The following NOTCH3 variants were observed in gnomAD, a reference collection of about 807,000 sequenced individuals.
NOTCH3 encodes neurogenic locus notch homolog protein 3.
Under a neutral mutation model 213.3 loss-of-function variants are expected in NOTCH3, and 86 were observed. The ratio of observed to expected loss-of-function variants is 0.40; its 90% CI spans 0.34 to 0.48. The LOEUF is 0.48. Among genes scored for constraint, NOTCH3 ranks in the 20% least tolerant of loss-of-function variants. The pLI is 0.57. For synonymous variants in NOTCH3, 1,354 were observed against 1,355.9 expected, an observed-to-expected ratio of 1.00 and a Z score of 0.03; for missense variants, 2,783 against 3,272.6, an observed-to-expected ratio of 0.85 and a Z score of 3.65.
In NOTCH3 at chr19:15,178,048, G is replaced by C; in HGVS notation, c.3880C>G (p.Arg1294Gly). 1 of 1,519,416 alleles carries C rather than the reference G, an allele frequency of 6.6e-7. No individual in the cohort carries two copies. The highest frequency in any genetic ancestry group is 1.2e-5 in the South Asian group (1 of 83,252). 94.1% of individuals were successfully genotyped at this position (1,519,416 alleles called of 1,614,324 possible). Residue 1294 changes from arginine to glycine, a missense_variant, in exon 24 of 33, where the codon CGG (arginine) becomes GGG (glycine). This residue lies in a region of NOTCH3 where 861 missense variants were observed against 909.1 expected (regional missense o/e 0.95). Transcript: ENST00000263388. ...PRCERVARSC[R>G]ELQCPVGVPC... ...ACGCCCACCGGGCACTGCAGCTCCC[G>C]GCAGGAGCGCGCCACCCGCTCGCAA...
At position 15,178,952 on chromosome 19, in the gene NOTCH3, G is replaced by A. The variant is rs78907190; in HGVS notation, c.3719-11C>T. On this transcript the variant is annotated splice_polypyrimidine_tract_variant and intron_variant, in intron 22 of 32. Coordinates refer to ENST00000263388, the MANE Select transcript of NOTCH3 (RefSeq NM_000435.3). Reference sequence around the variant, plus strand: ...TCTGACAGCGAGGACCTGAGCGAGCGGGAGCATGTAGATCAGCCACAATGG... The same window carrying A: ...TCTGACAGCGAGGACCTGAGCGAGCAGGAGCATGTAGATCAGCCACAATGG... 2.8e-3 allele frequency: 4,459 copies of A among 1,613,976 alleles called. 91 individuals are homozygous for A. In the Admixed American group the frequency reaches 0.037, roughly 13 times the overall value.
intron 1 of NOTCH3, among the ~76,000 whole-genome samples, chr19:15,200,519 T>C (rs1278053212): frequency 6.6e-6 from 1 of 151,876 alleles, no homozygotes; most frequent in Non-Finnish European, 1.5e-5. Context: ...GAGTCCCTGA[T>C]CCCCGCACCT....
At position 15,179,228 on chromosome 19, in the gene NOTCH3, G is replaced by T; in HGVS notation, c.3515C>A (p.Ser1172Ter). Residue 1172 changes from serine to a stop codon, truncating the protein, a stop_gained, in exon 22 of 33, where the codon TCA (serine) becomes TAA (stop). Transcript: ENST00000263388. LOFTEE classifies it high-confidence loss of function. The stretch of plus-strand genomic sequence containing the variant: ...GCCATTGTGTAGGCACCGGGGCCCT[G>T]AGTCCAGCGGTGGGCCTGGGCCGCA... ...DDCGPGPPLD[S>*]GPRCLHNGTC... 1 of 1,614,030 alleles carries T rather than the reference G, an allele frequency of 6.2e-7. No homozygotes were observed. Among genetic ancestry groups the T allele is most frequent in the Non-Finnish European group, 8.5e-7 (1 of 1,180,024 alleles).
chr19:15,165,426 C>T lies in NOTCH3; in HGVS notation c.5757G>A (p.Glu1919=). 1 of 1,611,962 alleles carries T rather than the reference C, an allele frequency of 6.2e-7. No homozygotes were observed. The highest frequency in any genetic ancestry group is 8.5e-7 in the Non-Finnish European group (1 of 1,180,034). ...ALILAARLAV[E]GMVEELIASH... The stretch of plus-strand genomic sequence containing the variant: ...TGGCGATGAGCTCTTCCACCATGCC[C>T]TCTACTGCCAGGCGGGCCGCCAGGA... The change falls in exon 31 of 33, where the codon GAG becomes GAA. Residue 1919 remains glutamate (E), a synonymous_variant. Coordinates refer to ENST00000263388, the MANE Select transcript of NOTCH3 (RefSeq NM_000435.3). The surrounding 1 kb of genome is among the most constrained non-coding windows in gnomAD (Gnocchi z 4.7).
At chr19:15,192,871 C>T (rs975380523) in intron 2 of NOTCH3, among the ~76,000 whole-genome samples, 9 of 151,966 alleles carry the variant, frequency 5.9e-5, no homozygotes, top group African/African-American at 9.7e-5. Flanking sequence ...GCCAAGATCG[C>T]GCCACTGCAC....
rs2046827224 is a variant in NOTCH3 at position 15,180,141 on chromosome 19, G to A, written c.3258C>T (p.Asp1086=). Residue 1086 remains aspartate (D), a synonymous_variant, in exon 20 of 33, where the codon GAC becomes GAT. Coordinates refer to ENST00000263388, the MANE Select transcript of NOTCH3 (RefSeq NM_000435.3). ...GCTGGCAGGGCTGGGCCAAGCAGGGGTCCACCTCCTGCTCACAGTGGCTAC... is the reference window on the plus strand; with the variant it reads ...GCTGGCAGGGCTGGGCCAAGCAGGGATCCACCTCCTGCTCACAGTGGCTAC... ...RTGSHCEQEV[D]PCLAQPCQHG... 1 of 1,613,290 alleles carries A rather than the reference G, an allele frequency of 6.2e-7. No homozygotes were observed. The highest frequency in any genetic ancestry group is 1.7e-5 in the Admixed American group (1 of 59,994).
Position 15,188,008 on chromosome 19 carries a change from T to TG in NOTCH3, c.1493-15dup. On this transcript the variant is annotated splice_polypyrimidine_tract_variant and intron_variant, in intron 9 of 32. Transcript: ENST00000263388. The stretch of plus-strand genomic sequence containing the variant: ...AGCCGCTGAAGCCTGGGGTGGGGAG[T>TG]GGGATGAGCAGAGGCCCAGAAAGGG... The TG allele has an allele frequency of 6.5e-7, 1 of 1,545,914 alleles. No individual in the cohort carries two copies. Among genetic ancestry groups the TG allele is most frequent in the Non-Finnish European group, 8.8e-7 (1 of 1,142,634 alleles).
intron 9 of NOTCH3, 101 bp from the exon 10 acceptor site, chr19:15,188,095 ATT>A (rs2046898756): frequency 5.5e-6 from 6 of 1,094,122 alleles, no homozygotes; most frequent in Non-Finnish European, 8.2e-6. Flanking sequence ...ATTTACTTGG[ATT>A]TAAATTAACT....
intron 20 of NOTCH3, among the ~76,000 whole-genome samples, chr19:15,179,851 C>T (rs948537271): frequency 5.3e-5 from 8 of 151,894 alleles, no homozygotes; most frequent in Non-Finnish European, 7.4e-5. Flanking sequence ...CCACTGCACT[C>T]GTCTGGGTGA....
At chr19:15,174,497 A>C in intron 24 of NOTCH3, 97 bp from the exon 25 acceptor site, 1 of 907,662 alleles carries the variant, frequency 1.1e-6, no homozygotes, top group South Asian at 1.7e-5. Flanking sequence ...GAGACTCCAG[A>C]CAAGGCTTGC....
Position 15,189,475 on chromosome 19 carries a change from C to T in NOTCH3, c.1037-47G>A, listed in dbSNP as rs778332307. 8 of 1,602,268 alleles carry T rather than the reference C, an allele frequency of 5.0e-6. No homozygotes were observed. In the South Asian group the frequency reaches 6.6e-5, roughly 13 times the overall value. On this transcript the variant is annotated intron_variant, in intron 6 of 32. Transcript: ENST00000263388. ...TCATAGGCAGATCTTCCTGCTCTGC[C>T]CAAAAGGCCCACACCCCTTGAGTAT... is the stretch of plus-strand genomic sequence containing the variant.
Position 15,185,217 on chromosome 19 carries a change from T to C in NOTCH3, c.2296+40A>G, listed in dbSNP as rs1389964816. The C allele has an allele frequency of 1.2e-6, 2 of 1,608,200 alleles. No homozygotes were observed. Among genetic ancestry groups the C allele is most frequent in the African/African-American group, 1.3e-5 (1 of 74,728 alleles). ...AGGAGAAGAGAGATGAGAAGGCCCA[T>C]GGTGTTGGTGGGGCTGCAGAGGGAA... On this transcript the variant is annotated intron_variant, in intron 14 of 32. Coordinates refer to ENST00000263388, the MANE Select transcript of NOTCH3 (RefSeq NM_000435.3). This position sits in a 1 kb window ranked among gnomAD's most constrained non-coding sequence, Gnocchi z 4.2.
At position 15,180,303 on chromosome 19, in the gene NOTCH3, C is replaced by T. The variant is rs1179608621; in HGVS notation, c.3143-47G>A. 6 of 1,588,874 alleles carry T rather than the reference C, an allele frequency of 3.8e-6. No individual in the cohort carries two copies. The South Asian group carries it at 4.4e-5, about 12-fold the overall frequency. On this transcript the variant is annotated intron_variant, in intron 19 of 32. Transcript: ENST00000263388. ...AGGAACAGAGGTAACCCCATACATCCCCCTTCTGCCTCCATCACACAGATC... is the reference window on the plus strand; with the variant it reads ...AGGAACAGAGGTAACCCCATACATCTCCCTTCTGCCTCCATCACACAGATC...
chr19:15,186,008 G>T (rs554133607), intron 12 of NOTCH3, among the ~76,000 whole-genome samples: 14 of 152,236 alleles, frequency 9.2e-5, no homozygotes, highest in Admixed American at 5.2e-4. Context: ...CTGGGCTCAA[G>T]CGATTCTCCC....
At position 15,159,248 on chromosome 19, in the gene NOTCH3, G is replaced by C. The variant is rs4809026; in HGVS notation, c.*1414C>G. ...CGAGATAACCCCCCCAGCCCTCAAGGAGCCATTTGAGCTCTCATTTCTGAT... is the reference window on the plus strand; with the variant it reads ...CGAGATAACCCCCCCAGCCCTCAAGCAGCCATTTGAGCTCTCATTTCTGAT... On this transcript the variant is annotated 3_prime_UTR_variant, in exon 33 of 33. Transcript: ENST00000263388. The C allele has an allele frequency of 0.18, 27,057 of 152,434 alleles. 2,889 individuals carry two copies. Among genetic ancestry groups the C allele is most frequent in the African/African-American group, 0.3 (12,464 of 41,382 alleles). 9.4% of individuals were successfully genotyped at this position (152,434 alleles called of 1,614,324 possible). A position where few individuals can be genotyped will look rare whatever the true frequency, so the allele number is the denominator to read the frequency against.
At chr19:15,195,996 C>T (rs2046967346) in intron 2 of NOTCH3, among the ~76,000 whole-genome samples, 1 of 142,722 alleles carries the variant, frequency 7.0e-6, no homozygotes, top group Non-Finnish European at 1.5e-5. Context: ...ATGGAAACGT[C>T]TGCTGCCGGT....
Position 15,185,371 on chromosome 19 carries a change from G to A in NOTCH3, c.2182C>T (p.Arg728Cys), listed in dbSNP as rs1057519101. The change falls in exon 14 of 33, where the codon CGC (arginine) becomes TGC (cysteine). Residue 728 changes from arginine to cysteine, a missense_variant. Around this residue, in one of 6 missense-constraint regions of NOTCH3, gnomAD observed 861 missense variants for 909.1 expected, o/e 0.95. Coordinates refer to ENST00000263388, the MANE Select transcript of NOTCH3 (RefSeq NM_000435.3). This position sits in a 1 kb window ranked among gnomAD's most constrained non-coding sequence, Gnocchi z 4.2. ...TCTCGGGCCAGGCTCTGGCTGCAGCGGGGGCCACTCCAGCCAGGCTCACAC... is the reference window on the plus strand; with the variant it reads ...TCTCGGGCCAGGCTCTGGCTGCAGCAGGGGCCACTCCAGCCAGGCTCACAC... ...CVCEPGWSGPRCSQSLARDAC... is the reference protein window; with the variant it reads ...CVCEPGWSGPCCSQSLARDAC... 30 of 1,612,106 alleles carry A rather than the reference G, an allele frequency of 1.9e-5. No homozygotes were observed. The highest frequency in any genetic ancestry group is 4.5e-5 in the East Asian group (2 of 44,840).
At position 15,191,804 on chromosome 19, in the gene NOTCH3, C is replaced by T. The variant is rs141402160; in HGVS notation, c.743G>A (p.Gly248Glu). 4 of 1,613,984 alleles carry T rather than the reference C, an allele frequency of 2.5e-6. No individual in the cohort carries two copies. Among genetic ancestry groups the T allele is most frequent in the Non-Finnish European group, 3.4e-6 (4 of 1,180,038 alleles). ...GTTGACGCCATCCACGCATGTCCCC[C>T]CATTGAGACATCGGTGTCCTGGACA... ...DDCPGHRCLN[G>E]GTCVDGVNTY... The change falls in exon 5 of 33, where the codon GGG becomes GAG. Residue 248 changes from glycine to glutamate, a missense_variant. Around this residue, in one of 6 missense-constraint regions of NOTCH3, gnomAD observed 708 missense variants for 906.6 expected, o/e 0.78. Transcript: ENST00000263388.
At chr19:15,194,163 C>T (rs977650760) in intron 2 of NOTCH3, among the ~76,000 whole-genome samples, 6 of 151,882 alleles carry the variant, frequency 4.0e-5, no homozygotes, top group Non-Finnish European at 8.8e-5. Context: ...GTGGGAGGAT[C>T]GCTTCAGCCT....
Sources: allele counts gnomAD v4.1 joint callset (sites outside exome capture counted in the v4.1 genomes callset), GRCh38; gene constraint gnomAD v4.1.1; regional missense constraint gnomAD v4.1.1; non-coding constraint Gnocchi (gnomAD v3.1); transcripts MANE v1.5; gene names NCBI Gene and HGNC (gene_info 2026-07-23, HGNC 2026-07-21).